The following IRAG2 variants were observed in gnomAD, a reference collection of about 807,000 sequenced individuals.
IRAG2 encodes the protein lymphoid restricted membrane protein.
Under a neutral mutation model 69.9 loss-of-function variants are expected in IRAG2, and 45 were observed. That is an observed-to-expected ratio of 0.64 (90% CI 0.51 to 0.83). The LOEUF is 0.83. IRAG2 is among the 40% of genes least tolerant of loss of function. The probability of loss-of-function intolerance (pLI) is 0.00; values close to 1 mark genes in which losing one functional copy is unlikely to be tolerated. For missense variants in IRAG2, 520 were observed against 587.0 expected (o/e 0.89, Z 1.18); for synonymous variants, 193 against 202.4 (o/e 0.95, Z 0.40).
chr12:25,001,710 A>G (rs1049741377), upstream of IRAG2, among the ~76,000 whole-genome samples: 6 of 151,776 alleles, frequency 4.0e-5, no homozygotes, highest in African/African-American at 1.2e-4. Flanking sequence ...CTCTGGTTCT[A>G]TAAGGGAGAA....
intron 16 of IRAG2, among the ~76,000 whole-genome samples, chr12:25,041,358 T>C (rs968287250): frequency 3.3e-4 from 50 of 152,238 alleles, no homozygotes; most frequent in Admixed American, 7.8e-4. Flanking sequence ...GTTTTGTTTT[T>C]GTTTGTTTTT....
At chr12:25,012,856 G>GA (rs934139914) in intron 3 of IRAG2, among the ~76,000 whole-genome samples, 97 of 152,286 alleles carry the variant, frequency 6.4e-4, no homozygotes, top group African/African-American at 2.1e-3. Flanking sequence ...CCAAGGAACG[G>GA]AAAAACTTAC....
intron 16 of IRAG2, 130 bp from the exon 17 acceptor site, chr12:25,102,068 A>C: frequency 1.4e-6 from 1 of 720,458 alleles, no homozygotes; most frequent in Non-Finnish European, 2.5e-6. Flanking sequence ...ACAGATATTT[A>C]TATTGCTCGG....
chr12:25,083,978 C>T (rs1947395593), intron 10 of IRAG2, among the ~76,000 whole-genome samples: 1 of 152,048 alleles, frequency 6.6e-6, no homozygotes, highest in South Asian at 2.1e-4. Context: ...AAACATGTCA[C>T]GGAGGAAGTA....
exon 2 of IRAG2, chr12:25,005,292 A>G: frequency 8.1e-7 from 1 of 1,231,594 alleles, no homozygotes; most frequent in Non-Finnish European, 1.0e-6. Flanking sequence ...TACAGCATCA[A>G]CAGGGCCTGT....
chr12:25,007,805 A>T (rs1337038382), intron 2 of IRAG2, among the ~76,000 whole-genome samples: 1 of 152,218 alleles, frequency 6.6e-6, no homozygotes, highest in Non-Finnish European at 1.5e-5. Context: ...TACAGGTGTG[A>T]GCCACTGCAC....
intron 16 of IRAG2, among the ~76,000 whole-genome samples, chr12:25,039,341 A>G (rs1944728246): frequency 6.6e-6 from 1 of 152,254 alleles, no homozygotes; most frequent in Non-Finnish European, 1.5e-5. Flanking sequence ...AGAAGCAGAG[A>G]ACCCACACTT....
At chr12:25,027,022 C>A (rs1944627506) in intron 9 of IRAG2, among the ~76,000 whole-genome samples, 1 of 106,170 alleles carries the variant, frequency 9.4e-6, no homozygotes, top group South Asian at 3.0e-4. Flanking sequence ...AGCTAGTTTC[C>A]TTTTCCTTCT....
intron 6 of IRAG2, among the ~76,000 whole-genome samples, chr12:25,017,515 T>A (rs1407845047): frequency 1.3e-5 from 2 of 151,984 alleles, no homozygotes; most frequent in Non-Finnish European, 2.9e-5. Flanking sequence ...ATCAAAAGTT[T>A]GAGACCAGCC....
intron 16 of IRAG2, among the ~76,000 whole-genome samples, chr12:25,042,103 G>A (rs1015729483): frequency 1.3e-4 from 20 of 151,962 alleles, no homozygotes; most frequent in Non-Finnish European, 1.9e-4. Context: ...ATGTAGTGTG[G>A]GTCAGGGTAA....
At chr12:25,006,357 C>T (rs1944430162) in intron 2 of IRAG2, 1 of 152,228 alleles carries the variant, frequency 6.6e-6, no homozygotes, top group South Asian at 2.1e-4. Flanking sequence ...TTTGAGCCAG[C>T]AATCTGTCCA....
At chr12:25,037,373 A>G (rs528117396) in intron 15 of IRAG2, among the ~76,000 whole-genome samples, 30 of 152,270 alleles carry the variant, frequency 2.0e-4, no homozygotes, top group African/African-American at 6.0e-4. Context: ...ATCTTAGCTC[A>G]CTGCAAACTC....
At chr12:25,038,555 T>C (rs367902376) in intron 16 of IRAG2, among the ~76,000 whole-genome samples, 32 of 151,862 alleles carry the variant, frequency 2.1e-4, no homozygotes, top group South Asian at 1.2e-3. Context: ...TGCAGGAGAA[T>C]TGCTTGAACC....
intron 15 of IRAG2, among the ~76,000 whole-genome samples, chr12:25,100,686 C>A (rs1948702622): frequency 1.3e-5 from 2 of 152,178 alleles, no homozygotes; most frequent in African/African-American, 4.8e-5. Context: ...GATCCATCAT[C>A]AACTATCTGT....
chr12:25,075,151 T>A (rs914485753), intron 6 of IRAG2, among the ~76,000 whole-genome samples: 2 of 152,204 alleles, frequency 1.3e-5, no homozygotes, highest in Non-Finnish European at 2.9e-5. Flanking sequence ...TTGTTTAGGT[T>A]CCAGTAGTTC....
upstream of IRAG2, among the ~76,000 whole-genome samples, chr12:25,000,975 C>T (rs1043679184): frequency 2.0e-5 from 3 of 152,166 alleles, no homozygotes; most frequent in African/African-American, 7.2e-5. Flanking sequence ...GAGGTTTAGA[C>T]AGAAGAGACA....
intron 1 of IRAG2, among the ~76,000 whole-genome samples, chr12:25,053,447 T>G (rs1302111526): frequency 6.6e-6 from 1 of 152,030 alleles, no homozygotes; most frequent in African/African-American, 2.4e-5. Context: ...TGTGTGAAAA[T>G]TCTTTTAAAG....
chr12:25,012,189 C>G (rs1003254206), intron 3 of IRAG2, among the ~76,000 whole-genome samples: 1 of 113,572 alleles, frequency 8.8e-6, no homozygotes, highest in Non-Finnish European at 1.7e-5. Context: ...GAGTTTCACT[C>G]TGTTGCCCAG....
At chr12:25,048,359 C>T (rs77473883), upstream of IRAG2, among the ~76,000 whole-genome samples, 18,644 of 151,972 alleles carry the variant, frequency 0.12, 1,301 homozygotes, top group East Asian at 0.14. Context: ...GGCGGGGTCT[C>T]GATCTCGGCT....
Sources: gnomAD v4.1 joint callset for allele counts (sites outside exome capture counted in the v4.1 genomes callset) on GRCh38, gnomAD v4.1.1 for gene constraint, MANE v1.5 for transcripts, NCBI Gene and HGNC (gene_info 2026-07-23, HGNC 2026-07-21) for gene names.